The following USP34 variants were observed in gnomAD, a reference collection of about 807,000 sequenced individuals.
The protein encoded by USP34 is ubiquitin carboxyl-terminal hydrolase 34.
USP34 carries 70 observed loss-of-function variants against 460.3 expected under a neutral mutation model. The ratio of observed to expected loss-of-function variants is 0.15; its 90% confidence interval spans 0.13 to 0.19. USP34 has a LOEUF of 0.19. USP34 is among the 10% of genes least tolerant of loss of function. The pLI is 1.00. For missense variants in USP34, 3,985 were observed against 4,236.2 expected (o/e 0.94, Z 1.65); for synonymous variants, 1,647 against 1,405.3 (o/e 1.17, Z -3.85).
intron 1 of USP34, 78 bp downstream of exon 1, chr2:61,470,572 G>T (rs1369354102): frequency 2.9e-6 from 3 of 1,036,080 alleles, no homozygotes; most frequent in East Asian, 3.0e-5. Flanking sequence ...CGCAGGCCGC[G>T]GCAGCCCGGG....
chr2:61,437,735 T>C (rs1257263610), intron 1 of USP34, among the ~76,000 whole-genome samples: 1 of 150,908 alleles, frequency 6.6e-6, no homozygotes, highest in Non-Finnish European at 1.5e-5. Context: ...ATTGTACCAC[T>C]GCACTCCAGC....
chr2:61,298,364 CAAAAAA>C (rs11417017), intron 29 of USP34, among the ~76,000 whole-genome samples: 1 of 48,048 alleles, frequency 2.1e-5, no homozygotes, highest in African/African-American at 8.4e-5. Flanking sequence ...TACAAAAATA[CAAAAAA>C]AAAAAAAAAA....
intron 50 of USP34, among the ~76,000 whole-genome samples, chr2:61,246,053 G>A (rs373729756): frequency 6.6e-6 from 1 of 152,200 alleles, no homozygotes; most frequent in East Asian, 1.9e-4. Flanking sequence ...GAATAGAGAA[G>A]ATAAGAGTTG....
chr2:61,390,802 A>C (rs1031801351), intron 5 of USP34, among the ~76,000 whole-genome samples: 5 of 152,102 alleles, frequency 3.3e-5, no homozygotes, highest in Non-Finnish European at 7.4e-5. Flanking sequence ...GGTTCTGAAA[A>C]AAAAAACTCA....
intron 5 of USP34, among the ~76,000 whole-genome samples, chr2:61,390,749 A>C (rs1165889097): frequency 6.6e-6 from 1 of 152,116 alleles, no homozygotes; most frequent in Non-Finnish European, 1.5e-5. Flanking sequence ...AATCCAGAGA[A>C]GAGTGAGTTT....
chr2:61,389,014 A>T (rs1693259321), intron 5 of USP34, among the ~76,000 whole-genome samples: 1 of 152,202 alleles, frequency 6.6e-6, no homozygotes, highest in South Asian at 2.1e-4. Context: ...ATTTAAAAAA[A>T]ACAACCAGGC....
intron 61 of USP34, 69 bp from the exon 62 acceptor site, chr2:61,227,287 G>A (rs541420896): frequency 6.6e-7 from 1 of 1,517,518 alleles, no homozygotes; most frequent in African/African-American, 1.4e-5. Flanking sequence ...CAAATGACTT[G>A]TTTTATGTAA....
intron 67 of USP34, among the ~76,000 whole-genome samples, chr2:61,216,777 G>C (rs1687409361): frequency 6.6e-6 from 1 of 151,926 alleles, no homozygotes; most frequent in Non-Finnish European, 1.5e-5. Flanking sequence ...AATTAGCTGG[G>C]TGTGGTGGCG....
At chr2:61,415,872 T>C (rs1478409658) in intron 2 of USP34, among the ~76,000 whole-genome samples, 1 of 152,250 alleles carries the variant, frequency 6.6e-6, no homozygotes, top group Non-Finnish European at 1.5e-5. Context: ...ACTTATGTTT[T>C]TAAAATGCAA....
At chr2:61,423,790 T>C (rs1365065627) in intron 1 of USP34, among the ~76,000 whole-genome samples, 1 of 152,062 alleles carries the variant, frequency 6.6e-6, no homozygotes, top group Non-Finnish European at 1.5e-5. Context: ...AAAATATGTA[T>C]ATTTTTAAAA....
At chr2:61,323,873 A>G (rs899668476) in intron 21 of USP34, among the ~76,000 whole-genome samples, 1 of 152,226 alleles carries the variant, frequency 6.6e-6, no homozygotes, top group African/African-American at 2.4e-5. Flanking sequence ...TAATAACACG[A>G]AAGAGAAATT....
intron 75 of USP34, among the ~76,000 whole-genome samples, chr2:61,195,731 C>T (rs953770157): frequency 1.3e-5 from 2 of 152,014 alleles, no homozygotes; most frequent in African/African-American, 2.4e-5. Flanking sequence ...GACCTTGTGG[C>T]CTGTGGAGTC....
intron 1 of USP34, among the ~76,000 whole-genome samples, chr2:61,426,932 G>A (rs1694529295): frequency 1.3e-5 from 2 of 152,228 alleles, no homozygotes; most frequent in South Asian, 4.1e-4. Flanking sequence ...AAATTATCCA[G>A]ATCTTGTCCA....
At chr2:61,351,235 G>A (rs1206188954) in intron 10 of USP34, among the ~76,000 whole-genome samples, 2 of 151,976 alleles carry the variant, frequency 1.3e-5, no homozygotes, top group African/African-American at 2.4e-5. Context: ...TTACGCTTAG[G>A]AGAAAAAAGT....
intron 59 of USP34, 72 bp downstream of exon 59, chr2:61,229,459 AAAAAAAAAAAAAAAAAC>A: frequency 2.3e-5 from 11 of 476,084 alleles, no homozygotes; most frequent in South Asian, 4.3e-5. Flanking sequence ...CTATCTCTTA[AAAAAAAAAAAAAAAAAC>A]AAAAAAAAAA....
intron 32 of USP34, among the ~76,000 whole-genome samples, chr2:61,294,113 A>G (rs1295760663): frequency 6.6e-6 from 1 of 152,136 alleles, no homozygotes; most frequent in Non-Finnish European, 1.5e-5. Flanking sequence ...TGGGAGGCCG[A>G]GGCGGGTGGA....
intron 61 of USP34, among the ~76,000 whole-genome samples, chr2:61,227,633 C>T (rs577622604): frequency 6.6e-6 from 1 of 151,980 alleles, no homozygotes. Context: ...ATCGCCTGAA[C>T]CTGGGAGGTG....
chr2:61,388,429 G>T (rs1034904450), intron 5 of USP34, among the ~76,000 whole-genome samples: 2 of 147,090 alleles, frequency 1.4e-5, no homozygotes, highest in Non-Finnish European at 3.0e-5. Context: ...ATGCATACTC[G>T]AGGGGATGTG....
chr2:61,201,631 G>C (rs1170096930), intron 75 of USP34, among the ~76,000 whole-genome samples: 7 of 152,166 alleles, frequency 4.6e-5, no homozygotes. Flanking sequence ...TGATTCAGCT[G>C]ATGTGACGGC....
Sources: allele counts gnomAD v4.1 joint callset (sites outside exome capture counted in the v4.1 genomes callset), GRCh38; gene constraint gnomAD v4.1.1; transcripts MANE v1.5; gene names NCBI Gene and HGNC (gene_info 2026-07-23, HGNC 2026-07-21).